Variants in WAC observed in about 807,000 individuals in gnomAD.
WAC encodes the protein WW domain-containing adapter protein with coiled-coil.
Under a neutral mutation model 79.6 loss-of-function variants are expected in WAC, and 11 were observed. The ratio of observed to expected loss-of-function variants is 0.14; its 90% confidence interval spans 0.09 to 0.23. The LOEUF (loss-of-function observed/expected upper bound fraction) is 0.23, where lower values mean the gene tolerates loss of function less well. Ranked by LOEUF, WAC falls within the 10% of genes least tolerant of loss-of-function variation. The probability of loss-of-function intolerance (pLI) is 1.00; values close to 1 mark genes in which losing one functional copy is unlikely to be tolerated. For synonymous variants in WAC, 304 were observed against 276.9 expected, an observed-to-expected ratio of 1.10 and a Z score of -0.97; for missense variants, 728 against 773.5, an observed-to-expected ratio of 0.94 and a Z score of 0.70.
At chr10:28,583,924 A>G (rs763438347) in intron 4 of WAC, among the ~76,000 whole-genome samples, 1 of 152,232 alleles carries the variant, frequency 6.6e-6, no homozygotes, top group Non-Finnish European at 1.5e-5. Context: ...CTAGGGATAT[A>G]CAGTTACCTG....
chr10:28,568,087 G>C (rs1340033231), intron 3 of WAC, among the ~76,000 whole-genome samples: 1 of 152,230 alleles, frequency 6.6e-6, no homozygotes, highest in Non-Finnish European at 1.5e-5. Context: ...GAGACGGTTT[G>C]TTGAGTTATG....
intron 3 of WAC, among the ~76,000 whole-genome samples, chr10:28,539,312 A>G (rs1198873879): frequency 6.6e-6 from 1 of 152,198 alleles, no homozygotes; most frequent in Non-Finnish European, 1.5e-5. Flanking sequence ...TTTATTCCCA[A>G]AAACCTTGCT....
At chr10:28,579,380 GTATATAT>G (rs1257487699) in intron 3 of WAC, among the ~76,000 whole-genome samples, 1 of 152,020 alleles carries the variant, frequency 6.6e-6, no homozygotes, top group Admixed American at 6.6e-5. Context: ...TCACCAGCAT[GTATATAT>G]TATCTTCCTT....
Position 28,611,853 on chromosome 10 carries a change from C to T in WAC, c.1368C>T (p.Ser456=). Residue 456 remains serine, a synonymous_variant, in exon 10 of 14, where the codon AGC becomes AGT. Transcript: ENST00000354911. ...SPRSYVSPRI[S]TPQTNTVPIK... is the part of the protein sequence containing the mutation. ...GATCATATGTTTCTCCAAGAATAAG[C>T]ACACCTCAAACTAACACAGTCCCTA... The T allele has an allele frequency of 1.9e-6, 3 of 1,614,136 alleles. No homozygotes were observed. Among genetic ancestry groups the T allele is most frequent in the Non-Finnish European group, 1.7e-6 (2 of 1,180,020 alleles).
At position 28,535,663 on chromosome 10, in the gene WAC, G is replaced by A; in HGVS notation, c.180G>A (p.Arg60=). 1 of 1,614,126 alleles carries A rather than the reference G, an allele frequency of 6.2e-7. No individual in the cohort carries two copies. ...CTTCACCACCAAATAAAATGTTGCG[G>A]AGATCTGATAGTCCTGAAAACAAAT... is the stretch of plus-strand genomic sequence containing the variant. The part of the protein sequence containing the change: ...GDPSPPNKML[R]RSDSPENKYS... The change falls in exon 3 of 14, where the codon CGG becomes CGA. Residue 60 remains arginine, a synonymous_variant. Coordinates refer to ENST00000354911, the MANE Select transcript of WAC (RefSeq NM_016628.5).
Position 28,542,798 on chromosome 10 carries a change from G to T in WAC, c.274+7041G>T, listed in dbSNP as rs927433365. Among the ~76,000 whole-genome samples the T allele has an allele frequency of 6.6e-5, 10 of 152,206 alleles. 1 individual carries two copies. The highest frequency in any genetic ancestry group is 1.0e-4 in the Non-Finnish European group (7 of 68,042). On this transcript the variant is annotated intron_variant, in intron 3 of 13. Coordinates refer to ENST00000354911, the MANE Select transcript of WAC (RefSeq NM_016628.5). ...CACAGGTGAAAATACACATAAGTGGGAAATTTGCTGGTTTCTGATAGATCA... is the reference window on the plus strand; with the variant it reads ...CACAGGTGAAAATACACATAAGTGGTAAATTTGCTGGTTTCTGATAGATCA...
intron 3 of WAC, among the ~76,000 whole-genome samples, chr10:28,567,697 C>T (rs1267120754): frequency 6.6e-6 from 1 of 152,120 alleles, no homozygotes; most frequent in Non-Finnish European, 1.5e-5. Flanking sequence ...AATATGTAGC[C>T]TTGACAAGAA....
At chr10:28,552,356 G>T (rs948175796) in intron 3 of WAC, among the ~76,000 whole-genome samples, 1 of 152,220 alleles carries the variant, frequency 6.6e-6, no homozygotes, top group Admixed American at 6.5e-5. Context: ...CTGTTGGTCA[G>T]AGTGGTAGTT....
intron 7 of WAC, among the ~76,000 whole-genome samples, chr10:28,605,008 CAT>C (rs1840869715): frequency 6.6e-6 from 1 of 152,126 alleles, no homozygotes; most frequent in East Asian, 1.9e-4. Flanking sequence ...AGGCATGTAA[CAT>C]AAGAAATATG....
chr10:28,580,470 C>CT (rs1839477039), intron 3 of WAC, among the ~76,000 whole-genome samples: 1 of 152,128 alleles, frequency 6.6e-6, no homozygotes, highest in Non-Finnish European at 1.5e-5. Flanking sequence ...TAATGTGGCA[C>CT]TTTCATTTCA....
chr10:28,591,902 G>C (rs1035476658), intron 6 of WAC: 1 of 150,062 alleles, frequency 6.7e-6, no homozygotes, highest in African/African-American at 2.4e-5. Flanking sequence ...TTGCAATTTT[G>C]AGAAGAATTT....
upstream of WAC, chr10:28,532,980 A>T (rs1836341777): frequency 6.5e-6 from 1 of 153,648 alleles, no homozygotes; most frequent in Non-Finnish European, 1.5e-5. Context: ...CAGGCCTCAG[A>T]GGAGGAGAAA....
intron 1 of WAC, 165 bp from the exon 2 acceptor site, chr10:28,533,833 G>A (rs1836436348): frequency 4.9e-6 from 5 of 1,028,712 alleles, no homozygotes; most frequent in Non-Finnish European, 7.0e-6. Context: ...GCCCTCTCCG[G>A]CCCTTCCGGA....
At chr10:28,589,992 C>T (rs1840005337) in intron 5 of WAC, 141 bp downstream of exon 5, 2 of 613,252 alleles carry the variant, frequency 3.3e-6, no homozygotes, top group Middle Eastern at 3.3e-4. Flanking sequence ...TTGGTTGCCC[C>T]TTCGTGTTTT....
intron 3 of WAC, among the ~76,000 whole-genome samples, chr10:28,559,180 CTT>C (rs1838171103): frequency 9.3e-6 from 1 of 107,912 alleles, no homozygotes; most frequent in African/African-American, 4.3e-5. Flanking sequence ...CTGATGTTCT[CTT>C]GGGTGCGATA....
At chr10:28,618,839 A>C (rs1258824454) in intron 13 of WAC, among the ~76,000 whole-genome samples, 1 of 152,196 alleles carries the variant, frequency 6.6e-6, no homozygotes, top group East Asian at 1.9e-4. Context: ...ACACCTGGTT[A>C]ATTCTACTCT....
intron 2 of WAC, 67 bp from the exon 3 acceptor site, chr10:28,535,495 T>C (rs1393617015): frequency 6.8e-7 from 1 of 1,461,834 alleles, no homozygotes; most frequent in Non-Finnish European, 9.1e-7. Flanking sequence ...CCAAAGTTTA[T>C]GTTTAAATTA....
intron 3 of WAC, among the ~76,000 whole-genome samples, chr10:28,538,067 G>GTA (rs370289964): frequency 3.0e-4 from 45 of 152,060 alleles, no homozygotes; most frequent in African/African-American, 1.0e-3. Context: ...ATAATATGAG[G>GTA]TATATCTCCA....
chr10:28,534,210 A>G, intron 2 of WAC, 176 bp downstream of exon 2: 1 of 538,370 alleles, frequency 1.9e-6, no homozygotes, highest in East Asian at 3.5e-5. Flanking sequence ...CTCTCCAGCA[A>G]GGTTTAGTGA....
Sources: gnomAD v4.1 joint callset for allele counts (sites outside exome capture counted in the v4.1 genomes callset) on GRCh38, gnomAD v4.1.1 for gene constraint, MANE v1.5 for transcripts, NCBI Gene and HGNC (gene_info 2026-07-23, HGNC 2026-07-21) for gene names.